Variants in CDH19 observed in about 807,000 individuals in gnomAD.
CDH19 encodes cadherin-19.
CDH19 carries 67 observed loss-of-function variants against 64.2 expected under a neutral mutation model. The ratio of observed to expected loss-of-function variants is 1.04; its 90% CI spans 0.86 to 1.28. The LOEUF (loss-of-function observed/expected upper bound fraction) is 1.28. CDH19 is among the 50% of genes most tolerant of loss of function. The probability of loss-of-function intolerance (pLI) is 0.00; values close to 1 mark genes in which losing one functional copy is unlikely to be tolerated. For synonymous variants in CDH19, 346 were observed against 319.3 expected, an observed-to-expected ratio of 1.08 and a Z score of -0.89; for missense variants, 1,030 against 929.0, an observed-to-expected ratio of 1.11 and a Z score of -1.41.
In CDH19 at chr18:66,544,682, C is replaced by T. The variant is rs510112; in HGVS notation, c.960+37G>A. The T allele has an allele frequency of 5.7e-3, 8,014 of 1,399,230 alleles. 139 individuals carry two copies. In the African/African-American group the frequency reaches 0.059, roughly 10 times the overall value. 86.7% of individuals were successfully genotyped at this position (1,399,230 alleles called of 1,614,324 possible). A position where few individuals can be genotyped will look rare whatever the true frequency, so the allele number is the denominator to read the frequency against. ...CAAAATATGTTATGTTTTAATTTTG[C>T]GCTATTCTGCAAGGCAAATAATTTT... is the stretch of plus-strand genomic sequence containing the variant. On this transcript the variant is annotated intron_variant, in intron 6 of 11. Coordinates refer to ENST00000262150, the MANE Select transcript of CDH19 (RefSeq NM_021153.4).
At chr18:66,578,873 A>G (rs1988341749) in intron 1 of CDH19, among the ~76,000 whole-genome samples, 1 of 151,970 alleles carries the variant, frequency 6.6e-6, no homozygotes, top group Non-Finnish European at 1.5e-5. Context: ...TGAGTAAAAC[A>G]AGCCTGCCAA....
intron 8 of CDH19, among the ~76,000 whole-genome samples, chr18:66,534,271 C>T (rs965230371): frequency 1.3e-5 from 2 of 151,928 alleles, no homozygotes; most frequent in Admixed American, 6.6e-5. Flanking sequence ...CTTGAAAACC[C>T]AGATTCAAGC....
In CDH19 at chr18:66,504,787, T is replaced by C. The variant is rs776663856; in HGVS notation, c.*25A>G. On this transcript the variant is annotated 3_prime_UTR_variant, in exon 12 of 12. Coordinates refer to ENST00000262150, the MANE Select transcript of CDH19 (RefSeq NM_021153.4). ...TGGGTTCGAATACACATTAGCACTT[T>C]TAAAAATTTTGATGGTAAAAAGCCC... 1 of 1,571,284 alleles carries C rather than the reference T, an allele frequency of 6.4e-7. No individual in the cohort carries two copies.
chr18:66,521,522 AT>A (rs201568691), intron 9 of CDH19, among the ~76,000 whole-genome samples: 1,222 of 77,372 alleles, frequency 0.016, 13 homozygotes, highest in African/African-American at 0.049. Context: ...TTATTTATTT[AT>A]TTTGTTTGTT....
chr18:66,574,186 C>G (rs969262183), intron 1 of CDH19, among the ~76,000 whole-genome samples: 3 of 151,552 alleles, frequency 2.0e-5, no homozygotes, highest in Admixed American at 1.3e-4. Flanking sequence ...TTCACATAGT[C>G]TGAATGTTGC....
chr18:66,571,897 C>A, intron 2 of CDH19, 113 bp downstream of exon 2: 1 of 702,736 alleles, frequency 1.4e-6, no homozygotes, highest in Non-Finnish European at 2.3e-6. Context: ...CTGTTTGAAG[C>A]TTTTCAATGG....
intron 8 of CDH19, among the ~76,000 whole-genome samples, chr18:66,533,004 A>C (rs1166890943): frequency 6.6e-6 from 1 of 151,992 alleles, no homozygotes; most frequent in Non-Finnish European, 1.5e-5. Flanking sequence ...CCATTTTGGC[A>C]ATCTCTTAGA....
intron 11 of CDH19, among the ~76,000 whole-genome samples, chr18:66,506,350 A>G (rs1191331828): frequency 6.6e-6 from 1 of 152,024 alleles, no homozygotes; most frequent in African/African-American, 2.4e-5. Flanking sequence ...ACATGTTTTC[A>G]GTCACAAATA....
rs1398044889 is a variant in CDH19 at position 66,515,229 on chromosome 18, G to T, written c.1459-3544C>A. On this transcript the variant is annotated intron_variant, in intron 9 of 11. Coordinates refer to ENST00000262150, the MANE Select transcript of CDH19 (RefSeq NM_021153.4). ...TTGCTTATTTAGTTATTCTAGGTAG[G>T]TATACCTTGTATTAGGCTAAAGATG... Among the ~76,000 whole-genome samples the T allele has an allele frequency of 2.6e-5, 4 of 151,590 alleles. No homozygotes were observed. The East Asian group carries it at 7.7e-4, about 29-fold the overall frequency.
At chr18:66,580,811 A>G (rs576876392) in intron 1 of CDH19, among the ~76,000 whole-genome samples, 1 of 152,280 alleles carries the variant, frequency 6.6e-6, no homozygotes, top group African/African-American at 2.4e-5. Context: ...GTATATCTCA[A>G]TAATGAAATA....
At chr18:66,579,820 T>C (rs1988372934) in intron 1 of CDH19, among the ~76,000 whole-genome samples, 1 of 152,068 alleles carries the variant, frequency 6.6e-6, no homozygotes, top group Non-Finnish European at 1.5e-5. Flanking sequence ...GAGAAAGTAT[T>C]GCCAGTTTTT....
intron 7 of CDH19, among the ~76,000 whole-genome samples, chr18:66,543,218 C>A (rs530028467): frequency 2.6e-5 from 4 of 151,938 alleles, no homozygotes; most frequent in Admixed American, 6.6e-5. Flanking sequence ...TTAGTAGAGA[C>A]GGGGTTTCAC....
chr18:66,575,876 T>C (rs983348846), intron 1 of CDH19, among the ~76,000 whole-genome samples: 28 of 151,786 alleles, frequency 1.8e-4, no homozygotes, highest in African/African-American at 6.8e-4. Context: ...CAAAGTATTG[T>C]GGAGCATACA....
At chr18:66,575,041 C>A (rs1941738) in intron 1 of CDH19, among the ~76,000 whole-genome samples, 13,719 of 151,742 alleles carry the variant, frequency 0.09, 1,982 homozygotes, top group African/African-American at 0.31. Context: ...AAGAGGTAAG[C>A]CTTTAGACAC....
intron 3 of CDH19, 71 bp from the exon 4 acceptor site, chr18:66,554,595 T>C (rs1022955551): frequency 5.6e-5 from 74 of 1,310,494 alleles, no homozygotes; most frequent in South Asian, 9.1e-5. Context: ...TGTGAAGCGG[T>C]CTTTCTTTAC....
chr18:66,512,865 T>C (rs1985561386), intron 9 of CDH19, among the ~76,000 whole-genome samples: 1 of 151,416 alleles, frequency 6.6e-6, no homozygotes, highest in African/African-American at 2.4e-5. Context: ...GTTTTTAACC[T>C]TGAAAAATAA....
chr18:66,523,228 G>T (rs547541141), intron 9 of CDH19, among the ~76,000 whole-genome samples: 1 of 152,252 alleles, frequency 6.6e-6, no homozygotes, highest in Admixed American at 6.5e-5. Flanking sequence ...TATCAGCCTG[G>T]TTCCAACAGA....
Position 66,505,023 on chromosome 18 carries a change from A to C in CDH19, c.2108T>G (p.Leu703Arg), listed in dbSNP as rs1334577587. The change falls in exon 12 of 12, where the codon CTC becomes CGC. Residue 703 changes from leucine (L) to arginine (R), a missense_variant. Coordinates refer to ENST00000262150, the MANE Select transcript of CDH19 (RefSeq NM_021153.4). ...AIFRKFILEK[L>R]EEANTDPCAP... ...ACACGGATCAGTATTAGCTTCTTCG[A>C]GCTTTTCCAGAATGAATTTCCTGAA... The C allele has an allele frequency of 6.2e-7, 1 of 1,613,526 alleles. No homozygotes were observed. The highest frequency in any genetic ancestry group is 1.7e-5 in the Admixed American group (1 of 59,882).
At position 66,577,268 on chromosome 18, in the gene CDH19, G is replaced by T. The variant is rs143987310; in HGVS notation, c.-112-4952C>A. 3.0e-3 allele frequency among the ~76,000 whole-genome samples: 461 copies of T among 151,966 alleles called. 1 individual carries two copies. Among genetic ancestry groups the T allele is most frequent in the African/African-American group, 0.01 (433 of 41,544 alleles). On this transcript the variant is annotated intron_variant, in intron 1 of 11. Transcript: ENST00000262150. ...ATAATTATATATGCAAAAGCATGGG[G>T]CTTAGAATAACTCAAAGAACATTTT...
Sources: allele counts gnomAD v4.1 joint callset (sites outside exome capture counted in the v4.1 genomes callset), GRCh38; gene constraint gnomAD v4.1.1; transcripts MANE v1.5; gene names NCBI Gene and HGNC (gene_info 2026-07-23, HGNC 2026-07-21).